Variants in DIP2C observed in about 807,000 individuals in gnomAD.
The protein encoded by DIP2C is disco-interacting protein 2 homolog C.
In DIP2C, 33 loss-of-function variants were observed where a neutral mutation model predicts 192.4. The ratio of observed to expected loss-of-function variants is 0.17; its 90% confidence interval spans 0.13 to 0.23. The LOEUF (loss-of-function observed/expected upper bound fraction) is 0.23. Among genes scored for constraint, DIP2C ranks in the 10% least tolerant of loss-of-function variants. DIP2C has a pLI of 1.00. For missense variants in DIP2C, 1,537 were observed against 2,110.1 expected, an observed-to-expected ratio of 0.73 and a Z score of 5.32; for synonymous variants, 979 against 864.1, an observed-to-expected ratio of 1.13 and a Z score of -2.33.
intron 1 of DIP2C, among the ~76,000 whole-genome samples, chr10:547,174 G>A (rs1848329074): frequency 6.6e-6 from 1 of 152,144 alleles, no homozygotes; most frequent in Non-Finnish European, 1.5e-5. Context: ...GTGCTGCAGC[G>A]GGACTGAAGT....
At chr10:418,977 GAAGA>G in intron 6 of DIP2C, 84 bp downstream of exon 6, 2 of 1,572,272 alleles carry the variant, frequency 1.3e-6, no homozygotes, top group South Asian at 2.4e-5. Context: ...TGTACCCCAG[GAAGA>G]AACACATCCA....
chr10:338,107 G>A (rs1029702019), intron 29 of DIP2C, among the ~76,000 whole-genome samples: 4 of 152,214 alleles, frequency 2.6e-5, no homozygotes, highest in African/African-American at 9.6e-5. Flanking sequence ...GCTTATAAAG[G>A]AGATAAATTA....
chr10:276,628 T>C lies in DIP2C; in HGVS notation c.*697A>G, dbSNP rs1954531730. ...ATAATTACATATTGAGGAAGTTAACTTATTTTATCTTTTTAGTTTAGTACA... is the reference window on the plus strand; with the variant it reads ...ATAATTACATATTGAGGAAGTTAACCTATTTTATCTTTTTAGTTTAGTACA... On this transcript the variant is annotated 3_prime_UTR_variant, in exon 37 of 37. Coordinates refer to ENST00000280886, the MANE Select transcript of DIP2C (RefSeq NM_014974.3). The C allele has an allele frequency of 6.6e-6, 1 of 152,646 alleles. No individual in the cohort carries two copies. Among genetic ancestry groups the C allele is most frequent in the African/African-American group, 2.4e-5 (1 of 41,448 alleles). 9.5% of individuals were successfully genotyped at this position (152,646 alleles called of 1,614,324 possible).
In DIP2C at chr10:287,693, T is replaced by C. The variant is rs1274295404; in HGVS notation, c.4044+671A>G. 2.0e-5 allele frequency among the ~76,000 whole-genome samples: 3 copies of C among 148,284 alleles called. No individual in the cohort carries two copies. In the East Asian group the frequency reaches 5.8e-4, roughly 29 times the overall value. On this transcript the variant is annotated intron_variant, in intron 33 of 36. Coordinates refer to ENST00000280886, the MANE Select transcript of DIP2C (RefSeq NM_014974.3). ...GGAAAAAAAAAAAAAAAAAAGAGTC[T>C]TTATTTAGGTGTTTAAATATCTTTC... is the stretch of plus-strand genomic sequence containing the variant.
intron 1 of DIP2C, among the ~76,000 whole-genome samples, chr10:580,757 G>C (rs971588848): frequency 6.6e-6 from 1 of 151,918 alleles, no homozygotes; most frequent in African/African-American, 2.4e-5. Flanking sequence ...TGTAATAGAA[G>C]TCATACAAAG....
chr10:450,260 C>CG (rs1004700309), intron 3 of DIP2C, among the ~76,000 whole-genome samples: 2 of 151,706 alleles, frequency 1.3e-5, no homozygotes, highest in African/African-American at 4.8e-5. Flanking sequence ...ACAATGGTCC[C>CG]GTGTTGCATT....
intron 1 of DIP2C, among the ~76,000 whole-genome samples, chr10:565,615 G>T (rs917692097): frequency 2.6e-5 from 4 of 152,186 alleles, no homozygotes; most frequent in African/African-American, 7.2e-5. Context: ...ACATGCTAAA[G>T]GAATAAGGAT....
At chr10:671,669 T>C (rs1279630158) in intron 1 of DIP2C, among the ~76,000 whole-genome samples, 13 of 51,526 alleles carry the variant, frequency 2.5e-4, no homozygotes, top group Admixed American at 9.9e-4. Context: ...GGAGGAAACG[T>C]CACAGACGCA....
chr10:591,512 G>T (rs778605697), intron 1 of DIP2C, among the ~76,000 whole-genome samples: 1 of 152,142 alleles, frequency 6.6e-6, no homozygotes, highest in Non-Finnish European at 1.5e-5. Context: ...TTTTCCAAGA[G>T]AACCAGTTAC....
At chr10:519,392 G>A (rs1038853736) in intron 1 of DIP2C, among the ~76,000 whole-genome samples, 1 of 152,218 alleles carries the variant, frequency 6.6e-6, no homozygotes, top group East Asian at 1.9e-4. Context: ...GAGTTTTCGA[G>A]GTTTCTGAAC....
chr10:316,694 C>G (rs1188658755), intron 31 of DIP2C, among the ~76,000 whole-genome samples: 1 of 152,312 alleles, frequency 6.6e-6, no homozygotes, highest in African/African-American at 2.4e-5. Context: ...CACCTCCCAG[C>G]CCTCAGGAGC....
chr10:519,572 A>G (rs943062769), intron 1 of DIP2C, among the ~76,000 whole-genome samples: 7 of 152,154 alleles, frequency 4.6e-5, no homozygotes, highest in African/African-American at 1.7e-4. Context: ...AGCTGGCACC[A>G]CGAGCCTGGG....
At chr10:392,683 T>C (rs1383532013) in intron 10 of DIP2C, among the ~76,000 whole-genome samples, 2 of 152,170 alleles carry the variant, frequency 1.3e-5, no homozygotes, top group African/African-American at 4.8e-5. Context: ...GGCAGCCCAG[T>C]GGAGTCTTCA....
intron 1 of DIP2C, among the ~76,000 whole-genome samples, chr10:548,911 CAAAAA>C (rs61437915): frequency 0.017 from 455 of 26,448 alleles, 1 homozygote; most frequent in Middle Eastern, 0.042. Context: ...TAGCAGCTCA[CAAAAA>C]AAAAAAAAAA....
chr10:365,250 A>G (rs1330442355), intron 19 of DIP2C, among the ~76,000 whole-genome samples: 1 of 152,260 alleles, frequency 6.6e-6, no homozygotes, highest in Non-Finnish European at 1.5e-5. Context: ...CTCAACATTT[A>G]GACCAGCAAC....
At position 275,142 on chromosome 10, in the gene DIP2C, G is replaced by A. The variant is rs772387277; in HGVS notation, c.*2183C>T. The A allele has an allele frequency of 1.3e-5, 2 of 152,278 alleles. No individual in the cohort carries two copies. The highest frequency in any genetic ancestry group is 2.9e-5 in the Non-Finnish European group (2 of 68,072). 9.4% of individuals were successfully genotyped at this position (152,278 alleles called of 1,614,324 possible). A position where few individuals can be genotyped will look rare whatever the true frequency, so the allele number is the denominator to read the frequency against. On this transcript the variant is annotated 3_prime_UTR_variant, in exon 37 of 37. Coordinates refer to ENST00000280886, the MANE Select transcript of DIP2C (RefSeq NM_014974.3). ...TGACAGTTGAAATTATGTTTGAAGT[G>A]ACATCTACATTTGTTTTGCTTCCTG...
At chr10:337,216 G>A (rs1188708301) in intron 29 of DIP2C, among the ~76,000 whole-genome samples, 1 of 145,562 alleles carries the variant, frequency 6.9e-6, no homozygotes, top group Non-Finnish European at 1.5e-5. Context: ...GTGTGCAAGT[G>A]TGTGTGGTGG....
intron 1 of DIP2C, among the ~76,000 whole-genome samples, chr10:611,937 G>GT (rs1853124044): frequency 1.3e-5 from 2 of 152,128 alleles, no homozygotes; most frequent in African/African-American, 4.8e-5. Flanking sequence ...CCCTGTCCAA[G>GT]TAAGCTCTTT....
intron 29 of DIP2C, among the ~76,000 whole-genome samples, chr10:338,281 A>C (rs2132537823): frequency 6.6e-6 from 1 of 152,330 alleles, no homozygotes; most frequent in East Asian, 1.9e-4. Context: ...GGCGTAGCCA[A>C]AGTGTCTGGT....
Sources: gnomAD v4.1 joint callset for allele counts (sites outside exome capture counted in the v4.1 genomes callset) on GRCh38, gnomAD v4.1.1 for gene constraint, MANE v1.5 for transcripts, NCBI Gene and HGNC (gene_info 2026-07-23, HGNC 2026-07-21) for gene names.